PITPNC1: variants seen among roughly 807,000 people sequenced by gnomAD.
PITPNC1 encodes phosphatidylinositol transfer protein cytoplasmic 1.
PITPNC1 carries 18 observed loss-of-function variants against 44.7 expected under a neutral mutation model. The ratio of observed to expected loss-of-function variants is 0.40; its 90% CI spans 0.28 to 0.60. The LOEUF (loss-of-function observed/expected upper bound fraction) is 0.60. Ranked by LOEUF, PITPNC1 falls within the 20% of genes least tolerant of loss-of-function variation. The probability of loss-of-function intolerance (pLI) is 0.39; values close to 1 mark genes in which losing one functional copy is unlikely to be tolerated. For missense variants in PITPNC1, 290 were observed against 418.4 expected, an observed-to-expected ratio of 0.69 and a Z score of 2.68; for synonymous variants, 141 against 149.6, an observed-to-expected ratio of 0.94 and a Z score of 0.42.
At chr17:67,553,497 G>A (rs952514236) in intron 3 of PITPNC1, 113 bp from the exon 4 acceptor site, 7 of 474,500 alleles carry the variant, frequency 1.5e-5, no homozygotes, top group African/African-American at 1.2e-4. Context: ...TGTAATTATA[G>A]TTCGTCAGTA....
chr17:67,590,614 C>T (rs11649982), intron 5 of PITPNC1, among the ~76,000 whole-genome samples: 3,105 of 152,156 alleles, frequency 0.02, 44 homozygotes, highest in East Asian at 0.1. Context: ...TTTACATGGA[C>T]TAAGAGTATT....
chr17:67,408,892 C>T (rs943923093), intron 1 of PITPNC1: 2 of 151,886 alleles, frequency 1.3e-5, no homozygotes, highest in Non-Finnish European at 2.9e-5. Flanking sequence ...TTCTTTTTTT[C>T]TTTTAGTTCC....
At chr17:67,614,517 C>T (rs1296370515) in intron 5 of PITPNC1, among the ~76,000 whole-genome samples, 7 of 151,416 alleles carry the variant, frequency 4.6e-5, no homozygotes, top group Non-Finnish European at 4.4e-5. Flanking sequence ...ACTAAGAATA[C>T]AAAAATTAGC....
chr17:67,687,308 G>A, intron 8 of PITPNC1: 1 of 618,918 alleles, frequency 1.6e-6, no homozygotes, highest in Non-Finnish European at 2.9e-6. Context: ...CCCAGACCCT[G>A]TTGCTGCAGA....
intron 5 of PITPNC1, among the ~76,000 whole-genome samples, chr17:67,594,717 A>G (rs924744639): frequency 1.3e-5 from 2 of 152,184 alleles, no homozygotes; most frequent in African/African-American, 4.8e-5. Context: ...ACCGTGGCAG[A>G]ATGGAGACAG....
At chr17:67,512,556 T>C (rs1390624524) in intron 1 of PITPNC1, among the ~76,000 whole-genome samples, 1 of 151,404 alleles carries the variant, frequency 6.6e-6, no homozygotes, top group Non-Finnish European at 1.5e-5. Flanking sequence ...ATCAGAACTG[T>C]TAGGCTCTAT....
rs535900426 is a variant in PITPNC1, at chr17:67,508,162, G to A, written c.49-24640G>A. On this transcript the variant is annotated intron_variant, in intron 1 of 8. Transcript: ENST00000581322. This position sits in a 1 kb window ranked among gnomAD's most constrained non-coding sequence, Gnocchi z 4.2. ...AATTTGCAAAGCTGTTACCAGAAAG[G>A]GGCCCTGATCCAGACCCCAAGAGAG... Among the ~76,000 whole-genome samples the A allele has an allele frequency of 1.3e-5, 2 of 152,106 alleles. No individual in the cohort carries two copies. Among genetic ancestry groups the A allele is most frequent in the Non-Finnish European group, 2.9e-5 (2 of 68,028 alleles).
chr17:67,570,456 C>T (rs1017168830), intron 4 of PITPNC1, among the ~76,000 whole-genome samples: 1 of 152,186 alleles, frequency 6.6e-6, no homozygotes, highest in Non-Finnish European at 1.5e-5. Context: ...CCTGTGGATG[C>T]CTTTCCGGAA....
rs1444767242 is a variant in PITPNC1 at position 67,508,725 on chromosome 17, T to G, written c.49-24077T>G. Among the ~76,000 whole-genome samples the G allele has an allele frequency of 6.6e-6, 1 of 152,010 alleles. No individual in the cohort carries two copies. Among genetic ancestry groups the G allele is most frequent in the African/African-American group, 2.4e-5 (1 of 41,368 alleles). On this transcript the variant is annotated intron_variant, in intron 1 of 8. Coordinates refer to ENST00000581322, the MANE Select transcript of PITPNC1 (RefSeq NM_012417.4). This position sits in a 1 kb window ranked among gnomAD's most constrained non-coding sequence, Gnocchi z 4.2. ...AGCTGAGGTACCTTCAAGAGGCAAA[T>G]TCATAGAGTCAGAAGGTAGAATGGT...
intron 5 of PITPNC1, among the ~76,000 whole-genome samples, chr17:67,595,268 A>G (rs1288033930): frequency 6.6e-6 from 1 of 152,146 alleles, no homozygotes; most frequent in Non-Finnish European, 1.5e-5. Flanking sequence ...AACTTTTTCC[A>G]GGGCACTGGC....
intron 2 of PITPNC1, among the ~76,000 whole-genome samples, chr17:67,547,280 C>T (rs1418703009): frequency 2.6e-5 from 4 of 152,168 alleles, no homozygotes; most frequent in South Asian, 2.1e-4. Context: ...TTCAGGAGGC[C>T]GAGATGGGAG....
chr17:67,472,651 GAAAA>G (rs780986823), intron 1 of PITPNC1, among the ~76,000 whole-genome samples: 1 of 99,288 alleles, frequency 1.0e-5, no homozygotes, highest in African/African-American at 3.3e-5. Context: ...TGTCTCAAAA[GAAAA>G]AAAAAAAAAA....
intron 1 of PITPNC1, among the ~76,000 whole-genome samples, chr17:67,514,176 TA>T (rs1568021872): frequency 6.6e-6 from 1 of 152,022 alleles, no homozygotes; most frequent in East Asian, 1.9e-4. Flanking sequence ...CTACTTGGTG[TA>T]GAATTCACGG....
intron 1 of PITPNC1, among the ~76,000 whole-genome samples, chr17:67,434,656 C>CA (rs918756741): frequency 7.9e-5 from 12 of 151,464 alleles, no homozygotes; most frequent in African/African-American, 2.9e-4. Context: ...ACTAAAAATA[C>CA]AAAAAAATTT....
At chr17:67,572,614 GACAAAGGAGATA>G in intron 4 of PITPNC1, among the ~76,000 whole-genome samples, 1 of 152,108 alleles carries the variant, frequency 6.6e-6, no homozygotes, top group Admixed American at 6.5e-5. Flanking sequence ...TGGTAATGGT[GACAAAGGAGATA>G]CGCGCTGTGA....
intron 4 of PITPNC1, among the ~76,000 whole-genome samples, chr17:67,569,350 G>A (rs745331576): frequency 6.6e-6 from 1 of 152,206 alleles, no homozygotes; most frequent in South Asian, 2.1e-4. Flanking sequence ...TTCATTTCCC[G>A]ACACTGAACC....
At chr17:67,442,837 A>G (rs1157232220) in intron 1 of PITPNC1, among the ~76,000 whole-genome samples, 1 of 152,006 alleles carries the variant, frequency 6.6e-6, no homozygotes, top group Non-Finnish European at 1.5e-5. Flanking sequence ...CCTGGGCAAC[A>G]GAGCAAGACT....
chr17:67,484,184 C>G (rs1039171796), intron 1 of PITPNC1, among the ~76,000 whole-genome samples: 5 of 152,138 alleles, frequency 3.3e-5, no homozygotes, highest in Admixed American at 3.3e-4. Context: ...TCCCAAATTA[C>G]TGGGATTACA....
intron 8 of PITPNC1, among the ~76,000 whole-genome samples, chr17:67,690,460 A>AAAG (rs1470820906): frequency 2.3e-4 from 35 of 151,822 alleles, no homozygotes; most frequent in Admixed American, 3.9e-4. Flanking sequence ...AAAAAAAAAA[A>AAAG]AAAGAAAAAG....
Sources: gnomAD v4.1 joint callset for allele counts (sites outside exome capture counted in the v4.1 genomes callset) on GRCh38, gnomAD v4.1.1 for gene constraint, Gnocchi (gnomAD v3.1) non-coding constraint, MANE v1.5 for transcripts, NCBI Gene and HGNC (gene_info 2026-07-23, HGNC 2026-07-21) for gene names.